Variants in C8orf34 observed in about 807,000 individuals in gnomAD.
C8orf34 encodes the protein chromosome 8 open reading frame 34.
C8orf34 carries 65 observed loss-of-function variants against 68.3 expected under a neutral mutation model. The observed-to-expected ratio is 0.95, with a 90% CI of 0.78 to 1.17. The LOEUF (loss-of-function observed/expected upper bound fraction) is 1.17. Ranked by LOEUF, C8orf34 falls within the 50% of genes most tolerant of loss-of-function variation. C8orf34 has a pLI of 0.00. For synonymous variants in C8orf34, 244 were observed against 241.2 expected, an observed-to-expected ratio of 1.01 and a Z score of -0.11; for missense variants, 664 against 655.4, an observed-to-expected ratio of 1.01 and a Z score of -0.14.
intron 5 of C8orf34, among the ~76,000 whole-genome samples, chr8:68,498,483 A>G (rs893774175): frequency 9.9e-5 from 15 of 152,184 alleles, no homozygotes; most frequent in Non-Finnish European, 2.1e-4. Flanking sequence ...TAGTGATTTG[A>G]TTGTCTCTAG....
At chr8:68,541,941 A>G (rs1232462674) in intron 7 of C8orf34, among the ~76,000 whole-genome samples, 1 of 152,250 alleles carries the variant, frequency 6.6e-6, no homozygotes, top group Non-Finnish European at 1.5e-5. Flanking sequence ...TTTAAAAAGT[A>G]TCAAAAGGTA....
intron 10 of C8orf34, among the ~76,000 whole-genome samples, chr8:68,770,145 A>G (rs1049333383): frequency 2.6e-5 from 4 of 152,218 alleles, no homozygotes; most frequent in Non-Finnish European, 5.9e-5. Flanking sequence ...CATACTTTCC[A>G]GTTGCCAAAA....
chr8:68,595,899 A>G (rs1343172211), intron 7 of C8orf34, among the ~76,000 whole-genome samples: 2 of 152,070 alleles, frequency 1.3e-5, no homozygotes, highest in Non-Finnish European at 2.9e-5. Context: ...TTTATTTCAA[A>G]TAATGCCTGT....
chr8:68,477,261 T>A (rs888423788), intron 4 of C8orf34, among the ~76,000 whole-genome samples: 3 of 152,238 alleles, frequency 2.0e-5, no homozygotes, highest in Admixed American at 2.0e-4. Context: ...ACTTCTATGC[T>A]ACAGGAATCT....
chr8:68,726,018 C>T (rs1051160611), intron 10 of C8orf34, among the ~76,000 whole-genome samples: 1 of 152,268 alleles, frequency 6.6e-6, no homozygotes, highest in South Asian at 2.1e-4. Context: ...AAGCAATTCT[C>T]ATGGCTCTGG....
chr8:68,349,566 G>C (rs1252808433), intron 1 of C8orf34, among the ~76,000 whole-genome samples: 2 of 151,922 alleles, frequency 1.3e-5, no homozygotes, highest in African/African-American at 4.8e-5. Flanking sequence ...GCTTTTCTTT[G>C]TATATCTGGT....
chr8:68,814,743 T>C (rs1324856285), intron 12 of C8orf34, among the ~76,000 whole-genome samples: 1 of 152,132 alleles, frequency 6.6e-6, no homozygotes, highest in Non-Finnish European at 1.5e-5. Flanking sequence ...AAATCCATGC[T>C]TTTTTTCCAT....
intron 8 of C8orf34, among the ~76,000 whole-genome samples, chr8:68,682,944 G>C (rs1820411671): frequency 6.6e-6 from 1 of 152,042 alleles, no homozygotes; most frequent in Non-Finnish European, 1.5e-5. Context: ...TACTTGGAAG[G>C]ACACTCCTAG....
intron 10 of C8orf34, among the ~76,000 whole-genome samples, chr8:68,757,767 C>T (rs1487594540): frequency 6.6e-6 from 1 of 152,158 alleles, no homozygotes; most frequent in Non-Finnish European, 1.5e-5. Context: ...ACATAACGTA[C>T]AATGGATAGA....
intron 5 of C8orf34, among the ~76,000 whole-genome samples, chr8:68,497,504 T>C (rs929450503): frequency 6.6e-6 from 1 of 152,168 alleles, no homozygotes; most frequent in African/African-American, 2.4e-5. Context: ...TGATCCTATT[T>C]CTATGAATCT....
intron 4 of C8orf34, among the ~76,000 whole-genome samples, chr8:68,480,596 A>G (rs1812818223): frequency 6.6e-6 from 1 of 152,208 alleles, no homozygotes; most frequent in Admixed American, 6.5e-5. Context: ...TTTGACAAAA[A>G]TACCGATAGT....
intron 9 of C8orf34, among the ~76,000 whole-genome samples, chr8:68,718,964 TC>T (rs1332686193): frequency 6.6e-6 from 1 of 152,130 alleles, no homozygotes; most frequent in Non-Finnish European, 1.5e-5. Context: ...TTCCCACCCA[TC>T]CATAGGTGAT....
At chr8:68,605,262 A>G (rs944213226) in intron 7 of C8orf34, among the ~76,000 whole-genome samples, 3 of 152,130 alleles carry the variant, frequency 2.0e-5, no homozygotes, top group African/African-American at 7.2e-5. Context: ...TCCTGGTAGG[A>G]ATGCGAAATA....
intron 1 of C8orf34, among the ~76,000 whole-genome samples, chr8:68,369,313 A>G (rs1169053016): frequency 3.3e-5 from 5 of 152,206 alleles, no homozygotes; most frequent in Non-Finnish European, 5.9e-5. Flanking sequence ...ATATGCTTAC[A>G]GGTTTGCTTC....
intron 3 of C8orf34, among the ~76,000 whole-genome samples, chr8:68,454,134 A>G (rs528018921): frequency 2.0e-5 from 3 of 152,066 alleles, no homozygotes; most frequent in Non-Finnish European, 4.4e-5. Context: ...GTCGTGATGT[A>G]TAATCCTTTT....
chr8:68,409,686 A>G (rs1809360551), intron 1 of C8orf34, among the ~76,000 whole-genome samples: 3 of 152,282 alleles, frequency 2.0e-5, no homozygotes, highest in Admixed American at 2.0e-4. Flanking sequence ...CTAAATGTAC[A>G]GTGTTGATGA....
At chr8:68,444,815 C>A (rs1811054449) in intron 2 of C8orf34, among the ~76,000 whole-genome samples, 1 of 152,114 alleles carries the variant, frequency 6.6e-6, no homozygotes, top group Non-Finnish European at 1.5e-5. Context: ...TCACAACATT[C>A]ATTTCATTCC....
At chr8:68,762,367 G>T (rs767609809) in intron 10 of C8orf34, among the ~76,000 whole-genome samples, 27 of 152,162 alleles carry the variant, frequency 1.8e-4, no homozygotes, top group Admixed American at 1.5e-3. Flanking sequence ...TGCAATATTG[G>T]TATGGGTTTC....
chr8:68,402,925 C>T (rs1809020548), intron 1 of C8orf34, among the ~76,000 whole-genome samples: 1 of 152,148 alleles, frequency 6.6e-6, no homozygotes. Context: ...ATCTTCATTA[C>T]CACAGGTGCT....
Sources: gnomAD v4.1 joint callset for allele counts (sites outside exome capture counted in the v4.1 genomes callset) on GRCh38, gnomAD v4.1.1 for gene constraint, MANE v1.5 for transcripts, NCBI Gene and HGNC (gene_info 2026-07-23, HGNC 2026-07-21) for gene names.